Variants in DNMT3A observed in about 807,000 individuals in gnomAD.
DNMT3A encodes DNA (cytosine-5)-methyltransferase 3A.
DNMT3A carries 267 observed loss-of-function variants against 117.6 expected under a neutral mutation model. That is an observed-to-expected ratio of 2.27 (90% CI 2.05 to 2.51). DNMT3A has a LOEUF of 2.51. DNMT3A is among the 30% of genes most tolerant of loss of function. DNMT3A has a pLI of 0.00. For missense variants in DNMT3A, 1,029 were observed against 1,260.2 expected, an observed-to-expected ratio of 0.82 and a Z score of 2.78; for synonymous variants, 432 against 474.8, an observed-to-expected ratio of 0.91 and a Z score of 1.17.
chr2:25,334,290 C>T (rs2035125980), intron 1 of DNMT3A, among the ~76,000 whole-genome samples: 2 of 152,150 alleles, frequency 1.3e-5, no homozygotes, highest in Admixed American at 1.3e-4. Context: ...CCCCACCTCA[C>T]CTCTCCACCC....
At chr2:25,290,609 A>G in intron 3 of DNMT3A, among the ~76,000 whole-genome samples, 1 of 152,186 alleles carries the variant, frequency 6.6e-6, no homozygotes, top group Non-Finnish European at 1.5e-5. Flanking sequence ...GGCGTGAGCC[A>G]CCACGCCCGG....
At position 25,245,290 on chromosome 2, in the gene DNMT3A, T is replaced by TC; in HGVS notation, c.1516_1517insG (p.His506ArgfsTer40). On this transcript the variant is annotated frameshift_variant, in exon 13 of 23. Coordinates refer to ENST00000321117, the MANE Select transcript of DNMT3A (RefSeq NM_022552.5). LOFTEE classifies it high-confidence loss of function. ...GCACATTCCTCCAACGAAGAGGGGG[T>TC]GTTCCAGGGTAACATTGAGGCTCCC... 1 of 1,613,660 alleles carries TC rather than the reference T, an allele frequency of 6.2e-7. No individual in the cohort carries two copies. Among genetic ancestry groups the TC allele is most frequent in the Admixed American group, 1.7e-5 (1 of 60,000 alleles).
chr2:25,304,440 C>T lies in DNMT3A; in HGVS notation c.73-4197G>A, dbSNP rs1198378323. On this transcript the variant is annotated intron_variant, in intron 2 of 22. Transcript: ENST00000321117. The surrounding 1 kb of genome is among the most constrained non-coding windows in gnomAD (Gnocchi z 4.3). ...TCGTACTTCACTCCCACTCCATCCTCCCCATCCCCCTCTCCCTGCCTCGTG... is the reference window on the plus strand; with the variant it reads ...TCGTACTTCACTCCCACTCCATCCTTCCCATCCCCCTCTCCCTGCCTCGTG... 1.3e-5 allele frequency among the ~76,000 whole-genome samples: 2 copies of T among 152,220 alleles called. No individual in the cohort carries two copies. The highest frequency in any genetic ancestry group is 4.8e-5 in the African/African-American group (2 of 41,462).
intron 1 of DNMT3A, among the ~76,000 whole-genome samples, chr2:25,318,767 G>C (rs4407213): frequency 0.018 from 2,540 of 141,524 alleles, 40 homozygotes; most frequent in Middle Eastern, 0.029. Context: ...GTGCAATCTC[G>C]GCTCACTGCA....
chr2:25,340,768 G>A (rs1573521979), intron 1 of DNMT3A, among the ~76,000 whole-genome samples: 2 of 151,514 alleles, frequency 1.3e-5, no homozygotes, highest in East Asian at 3.9e-4. Flanking sequence ...TGTGCGCGGG[G>A]GTGCTGGAGG....
intron 6 of DNMT3A, among the ~76,000 whole-genome samples, chr2:25,273,604 T>C (rs994370246): frequency 1.3e-5 from 2 of 152,164 alleles, no homozygotes; most frequent in Non-Finnish European, 2.9e-5. Context: ...TAATCAAACA[T>C]ACAAGACAGC....
At chr2:25,313,816 G>T in intron 2 of DNMT3A, 97 bp downstream of exon 2, 1 of 1,498,496 alleles carries the variant, frequency 6.7e-7, no homozygotes, top group Non-Finnish European at 9.1e-7. Context: ...TGAGTGATGC[G>T]GTCATGCACT....
At position 25,247,566 on chromosome 2, in the gene DNMT3A, GCTACTGCCAAACCCCACAACTTA is replaced by G. The variant is rs1341622548; in HGVS notation, c.1014+2_1014+24del. The stretch of plus-strand genomic sequence containing the variant: ...GATCAAGAACCTTCCCCCACCCCAG[GCTACTGCCAAACCCCACAACTTA>G]CCACTGAGAATTTGCCGTCTCCGAA... On this transcript the variant is annotated splice_donor_variant and splice_donor_5th_base_variant and intron_variant, in intron 8 of 22. Transcript: ENST00000321117. LOFTEE classifies it high-confidence loss of function. This position sits in a 1 kb window ranked among gnomAD's most constrained non-coding sequence, Gnocchi z 5.6. 6.2e-7 allele frequency: 1 copy of G among 1,609,400 alleles called. No homozygotes were observed. Among genetic ancestry groups the G allele is most frequent in the African/African-American group, 1.3e-5 (1 of 74,802 alleles).
rs565607880 is a variant in DNMT3A, at chr2:25,322,821, G to A, written c.-177-8660C>T. On this transcript the variant is annotated intron_variant, in intron 1 of 22. Coordinates refer to ENST00000321117, the MANE Select transcript of DNMT3A (RefSeq NM_022552.5). ...CCTCTTCCAAAACCAAAACTGTCAC[G>A]GCCCACAAACCTAAATCCTCACTCC... Among the ~76,000 whole-genome samples, 14 of 151,894 alleles carry A rather than the reference G, an allele frequency of 9.2e-5. No individual in the cohort carries two copies. In the South Asian group the frequency reaches 2.7e-3, roughly 29 times the overall value.
At position 25,281,190 on chromosome 2, in the gene DNMT3A, C is replaced by T. The variant is rs1423978941; in HGVS notation, c.448+1251G>A. ...CTCCGCACCAAGTCCCATTCCAGGACAGCGGAAAATAGTAGAAAGGCACAA... is the reference window on the plus strand; with the variant it reads ...CTCCGCACCAAGTCCCATTCCAGGATAGCGGAAAATAGTAGAAAGGCACAA... On this transcript the variant is annotated intron_variant, in intron 4 of 22. Transcript: ENST00000321117. The surrounding 1 kb of genome is among the most constrained non-coding windows in gnomAD (Gnocchi z 4.8). 2.0e-5 allele frequency among the ~76,000 whole-genome samples: 3 copies of T among 152,198 alleles called. No individual in the cohort carries two copies. The highest frequency in any genetic ancestry group is 7.2e-5 in the African/African-American group (3 of 41,450).
chr2:25,292,589 G>A (rs999755396), intron 3 of DNMT3A, among the ~76,000 whole-genome samples: 9 of 152,026 alleles, frequency 5.9e-5, no homozygotes, highest in Non-Finnish European at 1.0e-4. Flanking sequence ...TGCTCAGCCC[G>A]CCGCACCCGA....
rs1673347208 is a variant in DNMT3A at position 25,236,187 on chromosome 2, T to G, written c.2479-362A>C. Among the ~76,000 whole-genome samples the G allele has an allele frequency of 6.6e-6, 1 of 152,034 alleles. No individual in the cohort carries two copies. Among genetic ancestry groups the G allele is most frequent in the Non-Finnish European group, 1.5e-5 (1 of 68,012 alleles). On this transcript the variant is annotated intron_variant, in intron 21 of 22. Coordinates refer to ENST00000321117, the MANE Select transcript of DNMT3A (RefSeq NM_022552.5). The surrounding 1 kb of genome is among the most constrained non-coding windows in gnomAD (Gnocchi z 4.5). Reference sequence around the variant, plus strand: ...TTCAAGCGATTCTAATGCCTCAGACTCCTGAGTAGCTGGGACTACAGGCGC... The same window carrying G: ...TTCAAGCGATTCTAATGCCTCAGACGCCTGAGTAGCTGGGACTACAGGCGC...
chr2:25,301,431 C>T (rs2033509361), intron 2 of DNMT3A, among the ~76,000 whole-genome samples: 1 of 152,140 alleles, frequency 6.6e-6, no homozygotes, highest in Admixed American at 6.5e-5. Flanking sequence ...TGTCAGCCTG[C>T]AGGAGGATCT....
chr2:25,287,740 C>CAA (rs1553424994), intron 3 of DNMT3A, among the ~76,000 whole-genome samples: 2 of 151,592 alleles, frequency 1.3e-5, no homozygotes, highest in African/African-American at 4.8e-5. Context: ...CCCCCGCCCC[C>CAA]AACAGAGATT....
In DNMT3A at chr2:25,248,155, G is replaced by GC. The variant is rs773995422; in HGVS notation, c.736dup (p.Ala246GlyfsTer7). ...TGCGGGGTCAGTGGGCTGCTGCACA[G>GC]CAGGAGGGCTGGCCTCCTCCACCTT... On this transcript the variant is annotated frameshift_variant, in exon 7 of 23. Coordinates refer to ENST00000321117, the MANE Select transcript of DNMT3A (RefSeq NM_022552.5). LOFTEE classifies it high-confidence loss of function. The GC allele has an allele frequency of 6.2e-7, 1 of 1,613,890 alleles. No individual in the cohort carries two copies. The highest frequency in any genetic ancestry group is 8.5e-7 in the Non-Finnish European group (1 of 1,179,972).
At chr2:25,317,581 G>T (rs766966203) in intron 1 of DNMT3A, among the ~76,000 whole-genome samples, 1 of 152,230 alleles carries the variant, frequency 6.6e-6, no homozygotes, top group Non-Finnish European at 1.5e-5. Context: ...GAAACGAGAG[G>T]CTGAGTGAGA....
chr2:25,248,552 TTTA>T lies in DNMT3A; in HGVS notation c.640-303_640-301del, dbSNP rs762137981. The stretch of plus-strand genomic sequence containing the variant: ...CCCTATGATACGGAAATGTTATTTA[TTTA>T]TTTTTTTTTTTGGAGACAGAGTCAC... On this transcript the variant is annotated intron_variant, in intron 6 of 22. Transcript: ENST00000321117. Among the ~76,000 whole-genome samples, 14 of 141,930 alleles carry T rather than the reference TTTA, an allele frequency of 9.9e-5. 1 individual carries two copies. The highest frequency in any genetic ancestry group is 6.8e-4 in the South Asian group (3 of 4,406). 93.1% of individuals were successfully genotyped at this position (141,930 alleles called of 152,430 possible). A position where few individuals can be genotyped will look rare whatever the true frequency, so the allele number is the denominator to read the frequency against.
At chr2:25,284,514 G>A (rs1373154166) in intron 3 of DNMT3A, among the ~76,000 whole-genome samples, 1 of 151,668 alleles carries the variant, frequency 6.6e-6, no homozygotes, top group African/African-American at 2.4e-5. Context: ...GGGTGTGGTG[G>A]TGCATGCCTG....
In DNMT3A at chr2:25,282,266, A is replaced by G; in HGVS notation, c.448+175T>C. 7.2e-7 allele frequency: 1 copy of G among 1,396,442 alleles called. No homozygotes were observed. The highest frequency in any genetic ancestry group is 2.8e-5 in the East Asian group (1 of 36,164). The allele number at this position is 1,396,442 out of a possible 1,614,324, so 86.5% of individuals were successfully genotyped here. A position where few individuals can be genotyped will look rare whatever the true frequency, so the allele number is the denominator to read the frequency against. Reference sequence around the variant, plus strand: ...GTTTAAAACACTCTATGGGCCAAATAAAACATATGCGCAGGCTGCATCCAG... The same window carrying G: ...GTTTAAAACACTCTATGGGCCAAATGAAACATATGCGCAGGCTGCATCCAG... On this transcript the variant is annotated intron_variant, in intron 4 of 22. Transcript: ENST00000321117. The surrounding 1 kb of genome is among the most constrained non-coding windows in gnomAD (Gnocchi z 5.2).
Sources: allele counts gnomAD v4.1 joint callset (sites outside exome capture counted in the v4.1 genomes callset), GRCh38; gene constraint gnomAD v4.1.1; non-coding constraint Gnocchi (gnomAD v3.1); transcripts MANE v1.5; gene names NCBI Gene and HGNC (gene_info 2026-07-23, HGNC 2026-07-21).